The following RXYLT1 variants were observed in gnomAD, a reference collection of about 807,000 sequenced individuals.
RXYLT1 encodes the protein ribitol xylosyltransferase 1.
In RXYLT1, 41 loss-of-function variants were observed where a neutral mutation model predicts 43.5. That is an observed-to-expected ratio of 0.94 (90% CI 0.73 to 1.22). RXYLT1 has a LOEUF of 1.22. Ranked by LOEUF, RXYLT1 falls within the 50% of genes most tolerant of loss-of-function variation. The pLI is 0.00. For synonymous variants in RXYLT1, 166 were observed against 194.4 expected (o/e 0.85, Z 1.21); for missense variants, 514 against 532.0 (o/e 0.97, Z 0.33).
Position 63,785,011 on chromosome 12 carries a change from C to A in RXYLT1, c.367C>A (p.Pro123Thr), listed in dbSNP as rs1263967454. ...GCATATTTTTGAAGGCTTACTTGATCCCAGCGATGTGACTGCTCAATGGAG... is the reference window on the plus strand; with the variant it reads ...GCATATTTTTGAAGGCTTACTTGATACCAGCGATGTGACTGCTCAATGGAG... ...WEHIFEGLLD[P>T]SDVTAQWREG... Residue 123 changes from proline (P) to threonine (T), a missense_variant, in exon 3 of 6, where the codon CCC (proline) becomes ACC (threonine). By Grantham distance (38) the Pro-to-Thr change is conservative. Coordinates refer to ENST00000261234, the MANE Select transcript of RXYLT1 (RefSeq NM_014254.3). 1 of 1,613,870 alleles carries A rather than the reference C, an allele frequency of 6.2e-7. No homozygotes were observed. Among genetic ancestry groups the A allele is most frequent in the Non-Finnish European group, 8.5e-7 (1 of 1,179,816 alleles).
chr12:63,799,867 T>G (rs900035050), intron 3 of RXYLT1, among the ~76,000 whole-genome samples: 52 of 152,152 alleles, frequency 3.4e-4, no homozygotes, highest in African/African-American at 1.3e-3. Context: ...AATAAATATT[T>G]TAAACATACC....
chr12:63,783,112 C>T (rs1357053100), intron 2 of RXYLT1, among the ~76,000 whole-genome samples: 2 of 152,192 alleles, frequency 1.3e-5, no homozygotes, highest in Non-Finnish European at 2.9e-5. Context: ...CCTCATCCTT[C>T]CAGTTTCTAA....
chr12:63,800,688 A>T (rs1026229736), intron 3 of RXYLT1, among the ~76,000 whole-genome samples: 3 of 152,186 alleles, frequency 2.0e-5, no homozygotes, highest in Non-Finnish European at 4.4e-5. Flanking sequence ...TGGAAGGCCA[A>T]GGCAGGTGAA....
chr12:63,807,755 G>C (rs1322015570), intron 5 of RXYLT1: 1 of 152,152 alleles, frequency 6.6e-6, no homozygotes, highest in Non-Finnish European at 1.5e-5. Context: ...TAGAGACGGG[G>C]TTTTACCTTG....
intron 3 of RXYLT1, among the ~76,000 whole-genome samples, chr12:63,795,296 A>G (rs1364458229): frequency 6.6e-6 from 1 of 151,498 alleles, no homozygotes; most frequent in African/African-American, 2.4e-5. Flanking sequence ...AAGAAGAAGA[A>G]GAAGAAGAAG....
rs557722655 is a variant in RXYLT1, at chr12:63,792,255, T to C, written c.428+7183T>C. Among the ~76,000 whole-genome samples the C allele has an allele frequency of 9.2e-5, 14 of 152,342 alleles. No individual in the cohort carries two copies. The East Asian group carries it at 2.5e-3, about 27-fold the overall frequency. ...CTAAGCAGTGTCCTAGAGTAGCAAC[T>C]CTGAGTTCACACCTTATCCAGTGTA... On this transcript the variant is annotated intron_variant, in intron 3 of 5. Coordinates refer to ENST00000261234, the MANE Select transcript of RXYLT1 (RefSeq NM_014254.3).
chr12:63,805,258 G>A lies in RXYLT1; in HGVS notation c.768G>A (p.Glu256=), dbSNP rs1209941539. 3 of 1,601,676 alleles carry A rather than the reference G, an allele frequency of 1.9e-6. No homozygotes were observed. The highest frequency in any genetic ancestry group is 3.5e-5 in the Admixed American group (2 of 56,530). Residue 256 remains glutamate (E), a synonymous_variant, in exon 5 of 6, where the codon GAG becomes GAA. Coordinates refer to ENST00000261234, the MANE Select transcript of RXYLT1 (RefSeq NM_014254.3). ...GATACAGGAATTTTCCTGTGGTGGA[G>A]GCAAGTTGGTCAATGCTGCATGATG... ...VATYRNFPVV[E]ASWSMLHDER... is the part of the protein sequence containing the mutation.
In RXYLT1 at chr12:63,808,926, G is replaced by T; in HGVS notation, c.1166G>T (p.Trp389Leu). Residue 389 changes from tryptophan to leucine, a missense_variant, in exon 6 of 6, where the codon TGG becomes TTG. Trp to Leu is a moderately conservative substitution (Grantham distance 61). Transcript: ENST00000261234. ...MGAPFIFIKNWKELPAVLEKE... is the reference protein window; with the variant it reads ...MGAPFIFIKNLKELPAVLEKE... The stretch of plus-strand genomic sequence containing the variant: ...GCTCCCTTTATCTTTATCAAGAACT[G>T]GAAGGAACTCCCTGCTGTTTTAGAA... The T allele has an allele frequency of 6.2e-7, 1 of 1,613,866 alleles. No individual in the cohort carries two copies. The highest frequency in any genetic ancestry group is 1.1e-5 in the South Asian group (1 of 90,960).
At chr12:63,805,949 T>C (rs1898282117) in intron 5 of RXYLT1, 1 of 152,236 alleles carries the variant, frequency 6.6e-6, no homozygotes, top group Admixed American at 6.5e-5. Flanking sequence ...TCTTCTTTTA[T>C]GTAGTAACCA....
intron 1 of RXYLT1, chr12:63,780,350 CCAGGGGGTGA>C: frequency 7.8e-7 from 1 of 1,288,420 alleles, no homozygotes; most frequent in Non-Finnish European, 9.8e-7. Context: ...GCTCCCGATC[CCAGGGGGTGA>C]CAGGCGCGCA....
rs771733460 is a variant in RXYLT1 at position 63,805,456 on chromosome 12, T to C, written c.914+52T>C. The stretch of plus-strand genomic sequence containing the variant: ...TCATTTTGTTCTCCAGTCTGAGAGT[T>C]GCTTTATGTAGAAACACAGGTTTCC... On this transcript the variant is annotated intron_variant, in intron 5 of 5. Coordinates refer to ENST00000261234, the MANE Select transcript of RXYLT1 (RefSeq NM_014254.3). The C allele has an allele frequency of 8.0e-6, 12 of 1,502,494 alleles. No individual in the cohort carries two copies. In the Admixed American group the frequency reaches 2.5e-4, roughly 31 times the overall value. 93.1% of individuals were successfully genotyped at this position (1,502,494 alleles called of 1,614,324 possible).
At position 63,785,091 on chromosome 12, in the gene RXYLT1, G is replaced by T. The variant is rs755988129; in HGVS notation, c.428+19G>T. 6.4e-7 allele frequency: 1 copy of T among 1,569,932 alleles called. No individual in the cohort carries two copies. The highest frequency in any genetic ancestry group is 8.7e-7 in the Non-Finnish European group (1 of 1,148,614). ...AGTACAGGTATTGGTTGTATTAGTT[G>T]TGCAACATTAACCTTTGATGTTTTG... On this transcript the variant is annotated intron_variant, in intron 3 of 5. Coordinates refer to ENST00000261234, the MANE Select transcript of RXYLT1 (RefSeq NM_014254.3).
intron 5 of RXYLT1, chr12:63,806,384 A>C (rs919400594): frequency 2.6e-5 from 4 of 152,280 alleles, no homozygotes; most frequent in Admixed American, 2.0e-4. Context: ...TTGGTGGTGG[A>C]GCATTTGCTA....
At chr12:63,781,647 A>T (rs1897686683) in intron 2 of RXYLT1, among the ~76,000 whole-genome samples, 1 of 152,238 alleles carries the variant, frequency 6.6e-6, no homozygotes, top group African/African-American at 2.4e-5. Flanking sequence ...GCGAAGGAAT[A>T]TATTATAGTA....
At chr12:63,788,136 T>G (rs1897846731) in intron 3 of RXYLT1, among the ~76,000 whole-genome samples, 1 of 152,194 alleles carries the variant, frequency 6.6e-6, no homozygotes, top group Non-Finnish European at 1.5e-5. Context: ...ATAGTAAGCT[T>G]AAAATATTCA....
At position 63,780,081 on chromosome 12, in the gene RXYLT1, C is replaced by G. The variant is rs919738975; in HGVS notation, c.121C>G (p.Arg41Gly). The G allele has an allele frequency of 2.5e-6, 4 of 1,592,422 alleles. No individual in the cohort carries two copies. Among genetic ancestry groups the G allele is most frequent in the Middle Eastern group, 1.7e-4 (1 of 6,006 alleles). The stretch of plus-strand genomic sequence containing the variant: ...CCGCCAGGCGCCGGCCGGGTCCCCG[C>G]GGGGCCTCAGGAAGGGGGCGGCCCC... ...RRRQAPAGSP[R>G]GLRKGAAPAR... The change falls in exon 1 of 6, where the codon CGG (arginine) becomes GGG (glycine). Residue 41 changes from arginine to glycine, a missense_variant. By Grantham distance (125) the Arg-to-Gly change is moderately radical. Coordinates refer to ENST00000261234, the MANE Select transcript of RXYLT1 (RefSeq NM_014254.3).
intron 2 of RXYLT1, among the ~76,000 whole-genome samples, chr12:63,782,332 T>C (rs77037942): frequency 1.9e-3 from 285 of 152,346 alleles, no homozygotes; most frequent in African/African-American, 6.6e-3. Flanking sequence ...CCAGCTCCAT[T>C]AGATGATATT....
chr12:63,780,265 A>G (rs1897648027), intron 1 of RXYLT1, 136 bp downstream of exon 1: 1 of 1,366,856 alleles, frequency 7.3e-7, no homozygotes, highest in East Asian at 3.0e-5. Flanking sequence ...TGCCCCCTAC[A>G]GCCTCTCGAG....
At chr12:63,794,095 C>T (rs996070540) in intron 3 of RXYLT1, among the ~76,000 whole-genome samples, 9 of 152,164 alleles carry the variant, frequency 5.9e-5, no homozygotes, top group Admixed American at 5.9e-4. Context: ...TAAGTGATAA[C>T]TTTTCGTGTT....
Sources: allele counts gnomAD v4.1 joint callset (sites outside exome capture counted in the v4.1 genomes callset), GRCh38; gene constraint gnomAD v4.1.1; transcripts MANE v1.5; gene names NCBI Gene and HGNC (gene_info 2026-07-23, HGNC 2026-07-21).